Variants in COL4A5 observed in about 807,000 individuals in gnomAD.
The protein encoded by COL4A5 is collagen type IV alpha 5 chain, also known as collagen alpha-5(IV) chain.
COL4A5 carries 26 observed loss-of-function variants against 130.2 expected under a neutral mutation model. The ratio of observed to expected loss-of-function variants is 0.20; its 90% CI spans 0.15 to 0.28. The LOEUF (loss-of-function observed/expected upper bound fraction) is 0.28. Ranked by LOEUF, COL4A5 falls within the 10% of genes least tolerant of loss-of-function variation. The pLI is 1.00. For missense variants in COL4A5, 1,131 were observed against 1,344.3 expected (o/e 0.84, Z 2.48); for synonymous variants, 496 against 439.6 (o/e 1.13, Z -1.60).
intron 36 of COL4A5, among the ~76,000 whole-genome samples, chrX:108,634,094 C>G (rs2067313344): frequency 9.0e-6 from 1 of 110,570 alleles, no homozygotes; most frequent in Non-Finnish European, 1.9e-5. Context: ...TCAGTTCCTG[C>G]ACTGACAGCA....
At chrX:108,494,824 T>C (rs1032333544) in intron 1 of COL4A5, among the ~76,000 whole-genome samples, 3 of 111,654 alleles carry the variant, frequency 2.7e-5, no homozygotes, top group African/African-American at 9.7e-5. Context: ...AGCCCCATGA[T>C]TTTGTGTCTT....
chrX:108,544,607 A>C (rs1245041561), intron 2 of COL4A5, among the ~76,000 whole-genome samples: 1 of 110,533 alleles, frequency 9.0e-6, no homozygotes, highest in Non-Finnish European at 1.9e-5. Context: ...TGGTATCAGG[A>C]TGCTGCTGGC....
intron 37 of COL4A5, among the ~76,000 whole-genome samples, chrX:108,656,513 CA>C (rs1246466083): frequency 3.6e-5 from 4 of 111,654 alleles, no homozygotes; most frequent in Non-Finnish European, 7.5e-5. Flanking sequence ...TTCTCTTAGA[CA>C]AAAACTTAGT....
intron 1 of COL4A5, among the ~76,000 whole-genome samples, chrX:108,444,685 C>T (rs1008575728): frequency 8.9e-6 from 1 of 111,863 alleles, no homozygotes; most frequent in Non-Finnish European, 1.9e-5. Flanking sequence ...TCTCAGCAGG[C>T]AGAACTAGGA....
intron 31 of COL4A5, among the ~76,000 whole-genome samples, chrX:108,621,018 TTTTC>T (rs1269437721): frequency 9.1e-6 from 1 of 110,359 alleles, no homozygotes; most frequent in Non-Finnish European, 1.9e-5. Flanking sequence ...CTCTCCCTTT[TTTTC>T]TTTCTTTTTC....
chrX:108,512,126 A>G (rs2065184560), intron 1 of COL4A5, among the ~76,000 whole-genome samples: 1 of 112,360 alleles, frequency 8.9e-6, no homozygotes, highest in African/African-American at 3.2e-5. Flanking sequence ...CTAGGGTTCA[A>G]TATTGGTTTA....
intron 1 of COL4A5, among the ~76,000 whole-genome samples, chrX:108,499,001 A>G (rs1347207081): frequency 9.0e-6 from 1 of 111,142 alleles, no homozygotes; most frequent in Non-Finnish European, 1.9e-5. Context: ...TTCCTTATCT[A>G]ATTGCGGTGG....
chrX:108,690,079 A>G (rs2068621040), intron 49 of COL4A5: 4 of 693,062 alleles, frequency 5.8e-6, no homozygotes, highest in Non-Finnish European at 6.8e-6. Context: ...TTTTTAAATT[A>G]CTTTATAATG....
chrX:108,480,780 C>T (rs2064881335), intron 1 of COL4A5, among the ~76,000 whole-genome samples: 1 of 112,739 alleles, frequency 8.9e-6, no homozygotes, highest in Admixed American at 9.3e-5. Flanking sequence ...CTCCAAGATC[C>T]GTCTGTCTTC....
intron 2 of COL4A5, among the ~76,000 whole-genome samples, chrX:108,543,461 G>A (rs1208494871): frequency 5.4e-5 from 6 of 111,468 alleles, no homozygotes; most frequent in Non-Finnish European, 9.4e-5. Flanking sequence ...TGTTCCATTT[G>A]TCTATATCTC....
intron 36 of COL4A5, among the ~76,000 whole-genome samples, chrX:108,650,774 T>G (rs967256394): frequency 8.2e-5 from 9 of 110,069 alleles, no homozygotes; most frequent in Non-Finnish European, 1.3e-4. Context: ...TGGGGACTTG[T>G]GGGGAAGGGT....
rs754401083 is a variant in COL4A5, at chrX:108,571,133, G to A, written c.385-280G>A. 2.7e-5 allele frequency among the ~76,000 whole-genome samples: 3 copies of A among 111,896 alleles called. No homozygotes were observed. In the East Asian group the frequency reaches 8.4e-4, roughly 31 times the overall value. ...TATTAAATGTGATGATAGAATTTATGGCGTGATCGTCTCAAAATGTCTTTG... is the reference window on the plus strand; with the variant it reads ...TATTAAATGTGATGATAGAATTTATAGCGTGATCGTCTCAAAATGTCTTTG... On this transcript the variant is annotated intron_variant, in intron 6 of 52. Coordinates refer to ENST00000328300, the MANE Select transcript of COL4A5 (RefSeq NM_033380.3).
At chrX:108,655,289 C>T (rs375222703) in intron 36 of COL4A5, 42 bp from the exon 37 acceptor site, 3 of 1,195,618 alleles carry the variant, frequency 2.5e-6, no homozygotes, top group Non-Finnish European at 3.4e-6. Flanking sequence ...CAATCTAAGT[C>T]GTGTAGAGAC....
At chrX:108,690,595 A>G (rs1423161843) in intron 49 of COL4A5, among the ~76,000 whole-genome samples, 1 of 111,530 alleles carries the variant, frequency 9.0e-6, no homozygotes, top group Non-Finnish European at 1.9e-5. Flanking sequence ...ATTTTCTCCT[A>G]AAGTCAATCT....
chrX:108,530,590 A>G lies in COL4A5; in HGVS notation c.82-9156A>G, dbSNP rs745579178. Among the ~76,000 whole-genome samples the G allele has an allele frequency of 2.6e-4, 26 of 100,607 alleles. No individual in the cohort carries two copies. In the South Asian group the frequency reaches 0.013, roughly 49 times the overall value. 87.4% of individuals were successfully genotyped at this position (100,607 alleles called of 115,157 possible). A position where few individuals can be genotyped will look rare whatever the true frequency, so the allele number is the denominator to read the frequency against. On this transcript the variant is annotated intron_variant, in intron 1 of 52. Transcript: ENST00000328300. ...CAAAAGAAGACATTTATGCAGCCAA[A>G]AAACACATGAAAAAATGCTCACCAT...
chrX:108,649,655 G>A (rs1222477307), intron 36 of COL4A5, among the ~76,000 whole-genome samples: 1 of 111,277 alleles, frequency 9.0e-6, no homozygotes, highest in Non-Finnish European at 1.9e-5. Context: ...CATAAAATGG[G>A]GAAATGACAC....
intron 36 of COL4A5, among the ~76,000 whole-genome samples, chrX:108,640,030 C>T (rs908329802): frequency 8.9e-6 from 1 of 111,901 alleles, no homozygotes; most frequent in African/African-American, 3.2e-5. Flanking sequence ...AATTTCACTT[C>T]TGGAGACACA....
chrX:108,601,851 C>A, intron 26 of COL4A5, 34 bp from the exon 27 acceptor site: 1 of 868,860 alleles, frequency 1.2e-6, no homozygotes, highest in Non-Finnish European at 1.7e-6. Context: ...TTTCTTTGAA[C>A]GTTTTCCTTT....
At chrX:108,650,628 C>T (rs901414985) in intron 36 of COL4A5, among the ~76,000 whole-genome samples, 2 of 110,804 alleles carry the variant, frequency 1.8e-5, no homozygotes, top group African/African-American at 3.3e-5. Flanking sequence ...GCATTTGCAG[C>T]GACCCGGATG....
Sources: gnomAD v4.1 joint callset for allele counts (sites outside exome capture counted in the v4.1 genomes callset) on GRCh38, gnomAD v4.1.1 for gene constraint, MANE v1.5 for transcripts, NCBI Gene and HGNC (gene_info 2026-07-23, HGNC 2026-07-21) for gene names.